The following KLHL2 variants were observed in gnomAD, a reference collection of about 807,000 sequenced individuals.
KLHL2 encodes kelch like family member 2, also known as kelch-like protein 2.
KLHL2 carries 15 observed loss-of-function variants against 75.8 expected under a neutral mutation model. That is an observed-to-expected ratio of 0.20 (90% confidence interval 0.13 to 0.30). The LOEUF (loss-of-function observed/expected upper bound fraction) is 0.30. KLHL2 is among the 10% of genes least tolerant of loss of function. The pLI is 1.00. For synonymous variants in KLHL2, 214 were observed against 251.9 expected (o/e 0.85, Z 1.42); for missense variants, 381 against 741.0 (o/e 0.51, Z 5.64).
chr4:165,239,425 C>G (rs1739629691), intron 4 of KLHL2, among the ~76,000 whole-genome samples: 1 of 152,018 alleles, frequency 6.6e-6, no homozygotes, highest in Admixed American at 6.6e-5. Context: ...TGCCACTATG[C>G]CCAGCTAATT....
intron 5 of KLHL2, among the ~76,000 whole-genome samples, chr4:165,270,730 C>T (rs1473145534): frequency 6.6e-6 from 1 of 152,142 alleles, no homozygotes; most frequent in African/African-American, 2.4e-5. Flanking sequence ...TTTGAGGTGT[C>T]TGTCATCCCC....
chr4:165,224,589 G>C (rs1738281942), intron 2 of KLHL2, among the ~76,000 whole-genome samples: 1 of 152,166 alleles, frequency 6.6e-6, no homozygotes, highest in Non-Finnish European at 1.5e-5. Flanking sequence ...ATCACTACTA[G>C]GATTAGATTA....
At chr4:165,321,772 T>C (rs1399162997) in intron 14 of KLHL2, among the ~76,000 whole-genome samples, 3 of 152,202 alleles carry the variant, frequency 2.0e-5, no homozygotes, top group African/African-American at 7.2e-5. Context: ...TTTGAGTATA[T>C]TTTCCAAATT....
chr4:165,313,643 G>T (rs1746380715), intron 12 of KLHL2, among the ~76,000 whole-genome samples: 1 of 151,946 alleles, frequency 6.6e-6, no homozygotes, highest in South Asian at 2.1e-4. Context: ...AGTGCTTATT[G>T]GGGAACTTGC....
At chr4:165,238,120 G>C (rs1308604846) in intron 3 of KLHL2, among the ~76,000 whole-genome samples, 1 of 152,246 alleles carries the variant, frequency 6.6e-6, no homozygotes, top group Non-Finnish European at 1.5e-5. Flanking sequence ...AGTTGCTGCA[G>C]TTGACAAACA....
chr4:165,281,309 C>CTCTTT (rs554085206), intron 5 of KLHL2, among the ~76,000 whole-genome samples: 1 of 139,616 alleles, frequency 7.2e-6, no homozygotes, highest in African/African-American at 2.7e-5. Flanking sequence ...CTCTCTCTCT[C>CTCTTT]TTTTTTTTTT....
chr4:165,209,989 T>G, intron 1 of KLHL2: 1 of 1,479,122 alleles, frequency 6.8e-7, no homozygotes, highest in Non-Finnish European at 9.0e-7. Flanking sequence ...TTGCAGGCAG[T>G]GTCTTTAGGA....
chr4:165,241,558 C>T (rs1739818260), intron 4 of KLHL2, among the ~76,000 whole-genome samples: 1 of 151,966 alleles, frequency 6.6e-6, no homozygotes, highest in Non-Finnish European at 1.5e-5. Flanking sequence ...CTCACTGGAC[C>T]TAGACTCAAA....
At chr4:165,245,813 C>G (rs986740860) in intron 4 of KLHL2, among the ~76,000 whole-genome samples, 10 of 152,188 alleles carry the variant, frequency 6.6e-5, no homozygotes, top group African/African-American at 2.4e-4. Context: ...GCTTTTTATA[C>G]ATGGCTTGCC....
rs4582114 is a variant in KLHL2, at chr4:165,264,996, G to A, written c.544+1637G>A. On this transcript the variant is annotated intron_variant, in intron 5 of 14. Transcript: ENST00000226725. ...GTACGAATTTACATTCCCACCAGCA[G>A]CATATAAGCGTTCCCGTTTCACCAC... 5.9e-3 allele frequency among the ~76,000 whole-genome samples: 889 copies of A among 151,622 alleles called. 10 individuals carry two copies. Among genetic ancestry groups the A allele is most frequent in the African/African-American group, 0.02 (823 of 41,390 alleles).
chr4:165,220,303 G>A (rs530190643), intron 2 of KLHL2, among the ~76,000 whole-genome samples: 3 of 152,158 alleles, frequency 2.0e-5, no homozygotes. Context: ...GAGATAGTTT[G>A]GAGGTGAAAA....
intron 9 of KLHL2, among the ~76,000 whole-genome samples, chr4:165,307,466 G>A (rs1745824678): frequency 6.6e-6 from 1 of 152,120 alleles, no homozygotes; most frequent in African/African-American, 2.4e-5. Flanking sequence ...AATTAGCATT[G>A]GCATATTAAT....
intron 5 of KLHL2, among the ~76,000 whole-genome samples, chr4:165,290,567 C>G (rs1340532977): frequency 6.6e-6 from 1 of 152,048 alleles, no homozygotes. Flanking sequence ...AGAAAACTTC[C>G]TTAGTGTATA....
At chr4:165,225,880 G>C (rs1033260591) in intron 2 of KLHL2, among the ~76,000 whole-genome samples, 13 of 152,158 alleles carry the variant, frequency 8.5e-5, no homozygotes, top group Non-Finnish European at 1.8e-4. Context: ...GGATGTGGCT[G>C]CATAATATTT....
chr4:165,316,042 A>C (rs1411268940), intron 13 of KLHL2, among the ~76,000 whole-genome samples: 1 of 152,208 alleles, frequency 6.6e-6, no homozygotes, highest in African/African-American at 2.4e-5. Context: ...ATAAACTGGA[A>C]CCATCAAACA....
chr4:165,316,783 C>T (rs1746617441), intron 13 of KLHL2, among the ~76,000 whole-genome samples: 1 of 152,092 alleles, frequency 6.6e-6, no homozygotes, highest in Non-Finnish European at 1.5e-5. Context: ...AATAAACTGT[C>T]ATACATAAAA....
rs1162565612 is a variant in KLHL2 at position 165,318,988 on chromosome 4, T to C, written c.1753+1019T>C. Among the ~76,000 whole-genome samples, 7 of 152,282 alleles carry C rather than the reference T, an allele frequency of 4.6e-5. No homozygotes were observed. The East Asian group carries it at 1.3e-3, about 29-fold the overall frequency. ...TTTATCAAAACATATGCACACAAAC[T>C]CTTATGGGAACAAACACCCACAAAC... On this transcript the variant is annotated intron_variant, in intron 14 of 14. Transcript: ENST00000226725.
In KLHL2 at chr4:165,310,615, C is replaced by A; in HGVS notation, c.1102C>A (p.Arg368Ser). 2 of 1,614,072 alleles carry A rather than the reference C, an allele frequency of 1.2e-6. No homozygotes were observed. Among genetic ancestry groups the A allele is most frequent in the Non-Finnish European group, 1.7e-6 (2 of 1,179,994 alleles). Residue 368 changes from arginine (R) to serine (S), a missense_variant, in exon 10 of 15, where the codon CGC (arginine) becomes AGC (serine). By Grantham distance (110) the Arg-to-Ser change is moderately radical. Around this residue, in one of 5 missense-constraint regions of KLHL2, gnomAD observed 168 missense variants for 370.4 expected, o/e 0.45. Transcript: ENST00000226725. ...TGGCTTTAATGGCTCATTAAGAGTTCGCACTGTAGATTCCTACGACCCTGT... is the reference window on the plus strand; with the variant it reads ...TGGCTTTAATGGCTCATTAAGAGTTAGCACTGTAGATTCCTACGACCCTGT... ...VGGFNGSLRV[R>S]TVDSYDPVKD...
At chr4:165,233,969 C>A (rs1739122041) in intron 3 of KLHL2, among the ~76,000 whole-genome samples, 1 of 152,148 alleles carries the variant, frequency 6.6e-6, no homozygotes, top group Non-Finnish European at 1.5e-5. Flanking sequence ...ACCCTTCTAT[C>A]CTCAATAAAA....
Sources: gnomAD v4.1 joint callset for allele counts (sites outside exome capture counted in the v4.1 genomes callset) on GRCh38, gnomAD v4.1.1 for gene constraint, gnomAD v4.1.1 regional missense constraint, MANE v1.5 for transcripts, NCBI Gene and HGNC (gene_info 2026-07-23, HGNC 2026-07-21) for gene names.